Variants in LTBP1 observed in about 807,000 individuals in gnomAD.
The protein encoded by LTBP1 is latent transforming growth factor beta binding protein 1.
In LTBP1, 129 loss-of-function variants were observed where a neutral mutation model predicts 207.6. That is an observed-to-expected ratio of 0.62 (90% CI 0.54 to 0.72). The LOEUF is 0.72. Among genes scored for constraint, LTBP1 ranks in the 30% least tolerant of loss-of-function variants. The probability of loss-of-function intolerance (pLI) is 0.00; values close to 1 mark genes in which losing one functional copy is unlikely to be tolerated. For synonymous variants in LTBP1, 963 were observed against 833.7 expected, an observed-to-expected ratio of 1.16 and a Z score of -2.67; for missense variants, 2,281 against 2,217.2, an observed-to-expected ratio of 1.03 and a Z score of -0.58.
intron 2 of LTBP1, among the ~76,000 whole-genome samples, chr2:33,004,832 A>T (rs1686591389): frequency 7.7e-6 from 1 of 129,868 alleles, no homozygotes; most frequent in Admixed American, 8.4e-5. Context: ...AAATTTGTAA[A>T]ATAGTATTTA....
chr2:33,246,067 ATTCTTAT>A lies in LTBP1; in HGVS notation c.1999+2286_1999+2292del, dbSNP rs553751467. ...TTCTGAACTTATTAAACAACCATCC[ATTCTTAT>A]TTGAAAAATAAATAATTCAATTTTA... On this transcript the variant is annotated intron_variant, in intron 10 of 33. Coordinates refer to ENST00000404816, the MANE Select transcript of LTBP1 (RefSeq NM_206943.4). 8.4e-3 allele frequency among the ~76,000 whole-genome samples: 1,280 copies of A among 152,326 alleles called. 10 individuals are homozygous for A. Among genetic ancestry groups the A allele is most frequent in the Non-Finnish European group, 0.014 (928 of 68,028 alleles).
intron 3 of LTBP1, among the ~76,000 whole-genome samples, chr2:33,096,723 A>ATG (rs1001559377): frequency 6.6e-6 from 1 of 152,162 alleles, no homozygotes; most frequent in African/African-American, 2.4e-5. Context: ...ATTGGTGGTG[A>ATG]TGGGTGTAGG....
intron 27 of LTBP1, among the ~76,000 whole-genome samples, 182 bp from the exon 28 acceptor site, chr2:33,361,247 A>G (rs2094924191): frequency 6.6e-6 from 1 of 152,238 alleles, no homozygotes; most frequent in African/African-American, 2.4e-5. Flanking sequence ...AAAAAGTGTA[A>G]GAAAACCTAT....
In LTBP1 at chr2:33,325,545, T is replaced by C. The variant is rs55752056; in HGVS notation, c.3730+10276T>C. 5.7e-3 allele frequency among the ~76,000 whole-genome samples: 871 copies of C among 152,334 alleles called. 10 individuals are homozygous for C. Among genetic ancestry groups the C allele is most frequent in the African/African-American group, 0.02 (829 of 41,570 alleles). On this transcript the variant is annotated intron_variant, in intron 24 of 33. Coordinates refer to ENST00000404816, the MANE Select transcript of LTBP1 (RefSeq NM_206943.4). ...CATTTATTTTTCTTAATCCCAGATA[T>C]AAATACGTAAAACTATTACATTAAT...
At chr2:33,242,878 C>T (rs2092382964) in intron 9 of LTBP1, among the ~76,000 whole-genome samples, 1 of 152,110 alleles carries the variant, frequency 6.6e-6, no homozygotes. Flanking sequence ...CTTTCTCCTG[C>T]TCAGAAACCT....
intron 24 of LTBP1, among the ~76,000 whole-genome samples, chr2:33,341,826 A>C (rs1419351130): frequency 1.3e-5 from 2 of 151,340 alleles, no homozygotes; most frequent in Admixed American, 6.6e-5. Flanking sequence ...AACTCTGTCA[A>C]GTGAACTTGA....
At chr2:33,191,942 GA>G (rs2087937275) in intron 7 of LTBP1, among the ~76,000 whole-genome samples, 1 of 152,228 alleles carries the variant, frequency 6.6e-6, no homozygotes, top group Non-Finnish European at 1.5e-5. Flanking sequence ...ACTTGGGATT[GA>G]ACACCAAGAT....
chr2:33,396,162 A>G lies in LTBP1; in HGVS notation c.4835-971A>G, dbSNP rs1204470322. On this transcript the variant is annotated intron_variant, in intron 32 of 33. Coordinates refer to ENST00000404816, the MANE Select transcript of LTBP1 (RefSeq NM_206943.4). Reference sequence around the variant, plus strand: ...GAGTTTCTTTGTTTCCTTAAAAAAAAACTTTTGGTTCTGTTTTTTTTTGGT... The same window carrying G: ...GAGTTTCTTTGTTTCCTTAAAAAAAGACTTTTGGTTCTGTTTTTTTTTGGT... Among the ~76,000 whole-genome samples, 3 of 144,650 alleles carry G rather than the reference A, an allele frequency of 2.1e-5. No individual in the cohort carries two copies. In the South Asian group the frequency reaches 6.4e-4, roughly 31 times the overall value. 94.9% of individuals were successfully genotyped at this position (144,650 alleles called of 152,430 possible).
Position 33,398,409 on chromosome 2 carries a change from AG to A in LTBP1, c.5031del (p.Asn1678MetfsTer31). 1 of 1,614,156 alleles carries A rather than the reference AG, an allele frequency of 6.2e-7. No homozygotes were observed. Among genetic ancestry groups the A allele is most frequent in the Non-Finnish European group, 8.5e-7 (1 of 1,179,996 alleles). On this transcript the variant is annotated frameshift_variant, in exon 34 of 34. Transcript: ENST00000404816. LOFTEE classifies it high-confidence loss of function. ...DELNNRMSLC[K>X]NAKCINTDGS... The stretch of plus-strand genomic sequence containing the variant: ...TTGAACAACCGGATGTCTCTCTGCA[AG>A]AATGCCAAGTGCATTAACACCGATG...
intron 5 of LTBP1, among the ~76,000 whole-genome samples, chr2:33,161,048 A>C (rs1187604826): frequency 6.6e-6 from 1 of 151,964 alleles, no homozygotes; most frequent in African/African-American, 2.4e-5. Flanking sequence ...TTGAGTATTG[A>C]CTCTGCCATT....
chr2:33,341,297 G>A (rs1176062379), intron 24 of LTBP1, among the ~76,000 whole-genome samples: 1 of 152,154 alleles, frequency 6.6e-6, no homozygotes, highest in Non-Finnish European at 1.5e-5. Context: ...TGTTGGAGAA[G>A]GATGAGCAGG....
At chr2:33,279,951 T>C (rs1052985459) in intron 18 of LTBP1, 88 bp from the exon 19 acceptor site, 1 of 1,414,640 alleles carries the variant, frequency 7.1e-7, no homozygotes, top group African/African-American at 1.4e-5. Flanking sequence ...AGATATAACA[T>C]GCTTTCCCCC....
In LTBP1 at chr2:32,975,583, G is replaced by GTTTTTTTTTTTTTTTTTTTTTTTTTTT. The variant is rs779168923; in HGVS notation, c.565+26650_565+26676dup. Among the ~76,000 whole-genome samples, 3 of 31,360 alleles carry GTTTTTTTTTTTTTTTTTTTTTTTTTTT rather than the reference G, an allele frequency of 9.6e-5. 1 individual carries two copies. Among genetic ancestry groups the GTTTTTTTTTTTTTTTTTTTTTTTTTTT allele is most frequent in the African/African-American group, 4.1e-4 (3 of 7,258 alleles). 20.6% of individuals were successfully genotyped at this position (31,360 alleles called of 152,430 possible). A position where few individuals can be genotyped will look rare whatever the true frequency, so the allele number is the denominator to read the frequency against. On this transcript the variant is annotated intron_variant, in intron 2 of 33. Transcript: ENST00000404816. Reference sequence around the variant, plus strand: ...TTGTTGGAGGTTTCATTCATTCTTTGTTTTTTTTTTTTTTTTTTTTTTTTT... The same window carrying GTTTTTTTTTTTTTTTTTTTTTTTTTTT: ...TTGTTGGAGGTTTCATTCATTCTTTGTTTTTTTTTTTTTTTTTTTTTTTTTTTTTTTTTTTTTTTTTTTTTTTTTTTT...
chr2:33,140,670 T>A (rs1453100326), intron 5 of LTBP1, among the ~76,000 whole-genome samples: 1 of 26,266 alleles, frequency 3.8e-5, no homozygotes, highest in Admixed American at 6.8e-4. Context: ...AATTAATTAA[T>A]TTTTTTTTTT....
At chr2:33,090,518 T>C (rs2079018534) in intron 3 of LTBP1, among the ~76,000 whole-genome samples, 1 of 152,212 alleles carries the variant, frequency 6.6e-6, no homozygotes, top group Non-Finnish European at 1.5e-5. Flanking sequence ...CTAAATGCTG[T>C]TCGTGAATTA....
At chr2:33,056,443 G>T in intron 3 of LTBP1, 1 of 965,390 alleles carries the variant, frequency 1.0e-6, no homozygotes, top group Non-Finnish European at 1.5e-6. Context: ...AGCTTGTTTA[G>T]TTCCCTGTTG....
intron 3 of LTBP1, among the ~76,000 whole-genome samples, chr2:33,077,942 G>A (rs545183301): frequency 2.6e-5 from 4 of 152,164 alleles, no homozygotes; most frequent in Non-Finnish European, 4.4e-5. Context: ...AGCAGGATCC[G>A]AACAGGAGGG....
chr2:33,395,905 ATATTT>A (rs2095354170), intron 32 of LTBP1, among the ~76,000 whole-genome samples: 1 of 144,388 alleles, frequency 6.9e-6, no homozygotes, highest in African/African-American at 2.6e-5. Flanking sequence ...TTCTAGCCAT[ATATTT>A]TTTTTTTTTT....
intron 22 of LTBP1, among the ~76,000 whole-genome samples, chr2:33,304,477 C>G (rs532036990): frequency 6.6e-6 from 1 of 152,158 alleles, no homozygotes; most frequent in African/African-American, 2.4e-5. Context: ...TCTTATTGTC[C>G]TGTCATCCTG....
Sources: gnomAD v4.1 joint callset for allele counts (sites outside exome capture counted in the v4.1 genomes callset) on GRCh38, gnomAD v4.1.1 for gene constraint, MANE v1.5 for transcripts, NCBI Gene and HGNC (gene_info 2026-07-23, HGNC 2026-07-21) for gene names.